The following SULF1 variants were observed in gnomAD, a reference collection of about 807,000 sequenced individuals.
SULF1 encodes sulfatase 1.
Under a neutral mutation model 110.5 loss-of-function variants are expected in SULF1, and 46 were observed. The ratio of observed to expected loss-of-function variants is 0.42; its 90% CI spans 0.33 to 0.53. SULF1 has a LOEUF of 0.53. Among genes scored for constraint, SULF1 ranks in the 20% least tolerant of loss-of-function variants. The pLI is 0.12. For missense variants in SULF1, 941 were observed against 1,094.2 expected, an observed-to-expected ratio of 0.86 and a Z score of 1.98; for synonymous variants, 371 against 387.1, an observed-to-expected ratio of 0.96 and a Z score of 0.49.
intron 3 of SULF1, among the ~76,000 whole-genome samples, chr8:69,557,282 T>G (rs139044473): frequency 2.6e-5 from 4 of 152,340 alleles, no homozygotes; most frequent in Non-Finnish European, 5.9e-5. Context: ...ATTAGTCCCT[T>G]TAGACACTTT....
At chr8:69,467,881 T>A (rs1435985244) in intron 1 of SULF1, among the ~76,000 whole-genome samples, 1 of 152,224 alleles carries the variant, frequency 6.6e-6, no homozygotes, top group Non-Finnish European at 1.5e-5. Context: ...GTTGTCATCA[T>A]ATATGCGAGT....
At chr8:69,498,057 T>C (rs1476229090) in intron 2 of SULF1, among the ~76,000 whole-genome samples, 1 of 152,058 alleles carries the variant, frequency 6.6e-6, no homozygotes, top group East Asian at 1.9e-4. Context: ...CCTTTCATTA[T>C]AGGAACAGAA....
intron 6 of SULF1, among the ~76,000 whole-genome samples, chr8:69,583,789 A>G (rs1329345340): frequency 6.6e-5 from 10 of 152,186 alleles, no homozygotes; most frequent in Non-Finnish European, 1.5e-4. Context: ...TTCAGCTTCT[A>G]TATGAACATG....
In SULF1 at chr8:69,564,072, C is replaced by T. The variant is rs1368638415; in HGVS notation, c.97C>T (p.Arg33Trp). The T allele has an allele frequency of 1.3e-5, 21 of 1,614,144 alleles. No homozygotes were observed. Among genetic ancestry groups the T allele is most frequent in the Non-Finnish European group, 1.5e-5 (18 of 1,180,026 alleles). The change falls in exon 5 of 23, where the codon CGG becomes TGG. Residue 33 changes from arginine (R) to tryptophan (W), a missense_variant. This residue lies in a region of SULF1 where 822 missense variants were observed against 934.3 expected (regional missense o/e 0.88). Coordinates refer to ENST00000402687, the MANE Select transcript of SULF1 (RefSeq NM_001128205.2). ...STVRSPRFRG[R>W]IQQERKNIRP... Reference sequence around the variant, plus strand: ...TGTCAGATCCCCGAGGTTCAGAGGACGGATACAGCAGGAACGAAAAAACAT... The same window carrying T: ...TGTCAGATCCCCGAGGTTCAGAGGATGGATACAGCAGGAACGAAAAAACAT...
At chr8:69,604,533 A>G (rs1015143900) in intron 12 of SULF1, among the ~76,000 whole-genome samples, 1 of 152,214 alleles carries the variant, frequency 6.6e-6, no homozygotes, top group Non-Finnish European at 1.5e-5. Flanking sequence ...TGAGCATGTA[A>G]AATGAAACAT....
At chr8:69,593,978 G>A (rs1807097324) in intron 8 of SULF1, among the ~76,000 whole-genome samples, 1 of 152,152 alleles carries the variant, frequency 6.6e-6, no homozygotes, top group Admixed American at 6.5e-5. Context: ...GATTCTATAG[G>A]AAACTAAGGG....
At position 69,601,801 on chromosome 8, in the gene SULF1, C is replaced by T. The variant is rs762343638; in HGVS notation, c.1033C>T (p.Arg345Cys). Residue 345 changes from arginine to cysteine, a missense_variant, in exon 10 of 23, where the codon CGT becomes TGT. By Grantham distance (180) the Arg-to-Cys change is radical (BLOSUM62 -3). Around this residue, in one of 3 missense-constraint regions of SULF1, gnomAD observed 822 missense variants for 934.3 expected, o/e 0.88. Transcript: ENST00000402687. The stretch of plus-strand genomic sequence containing the variant: ...TGATATTCGTGTGCCTTTTTTTATT[C>T]GTGGTCCAAGTGTAGAACCAGGATC... ...DFDIRVPFFI[R>C]GPSVEPGSIV... 50 of 1,611,670 alleles carry T rather than the reference C, an allele frequency of 3.1e-5. No homozygotes were observed. The highest frequency in any genetic ancestry group is 5.3e-5 in the African/African-American group (4 of 74,790).
At chr8:69,634,717 G>A (rs1440444282) in intron 19 of SULF1, among the ~76,000 whole-genome samples, 6 of 152,114 alleles carry the variant, frequency 3.9e-5, no homozygotes, top group Admixed American at 2.0e-4. Context: ...ACACCACTGG[G>A]CGACAGAGTG....
At chr8:69,609,574 A>G (rs1168060236) in intron 13 of SULF1, among the ~76,000 whole-genome samples, 2 of 152,328 alleles carry the variant, frequency 1.3e-5, no homozygotes, top group South Asian at 2.1e-4. Context: ...TTTTTCTGAT[A>G]AGGAAATTTA....
At chr8:69,628,740 TC>T (rs1810293160) in intron 18 of SULF1, among the ~76,000 whole-genome samples, 1 of 152,158 alleles carries the variant, frequency 6.6e-6, no homozygotes, top group African/African-American at 2.4e-5. Flanking sequence ...AAAAAATAAT[TC>T]TAAAAAATAA....
chr8:69,603,585 T>A lies in SULF1; in HGVS notation c.1191-15T>A. The A allele has an allele frequency of 6.2e-7, 1 of 1,605,948 alleles. No individual in the cohort carries two copies. The highest frequency in any genetic ancestry group is 8.5e-7 in the Non-Finnish European group (1 of 1,172,560). On this transcript the variant is annotated splice_polypyrimidine_tract_variant and intron_variant, in intron 11 of 22. Coordinates refer to ENST00000402687, the MANE Select transcript of SULF1 (RefSeq NM_001128205.2). Reference sequence around the variant, plus strand: ...GTCCAGATGCCAAAAGTAAATATTATCATTTTGCTTTCAGGTTTCGAACAA... The same window carrying A: ...GTCCAGATGCCAAAAGTAAATATTAACATTTTGCTTTCAGGTTTCGAACAA...
chr8:69,554,845 G>C (rs1301557183), intron 3 of SULF1, among the ~76,000 whole-genome samples: 9 of 151,748 alleles, frequency 5.9e-5, no homozygotes, highest in African/African-American at 2.2e-4. Flanking sequence ...CAGGCGTGGT[G>C]GCAGGCGCCT....
intron 3 of SULF1, among the ~76,000 whole-genome samples, chr8:69,504,575 A>G (rs954798346): frequency 6.6e-6 from 1 of 152,172 alleles, no homozygotes; most frequent in Non-Finnish European, 1.5e-5. Context: ...AATAAATAAA[A>G]TAAGTGTCTA....
chr8:69,595,668 G>A (rs1388901813), intron 8 of SULF1, among the ~76,000 whole-genome samples: 1 of 152,128 alleles, frequency 6.6e-6, no homozygotes, highest in African/African-American at 2.4e-5. Flanking sequence ...AGAGAATGAT[G>A]GTTCTGCTAC....
chr8:69,627,191 G>A lies in SULF1; in HGVS notation c.1851-19G>A. 5 of 1,578,722 alleles carry A rather than the reference G, an allele frequency of 3.2e-6. No homozygotes were observed. The Middle Eastern group carries it at 6.7e-4, about 210-fold the overall frequency. On this transcript the variant is annotated intron_variant, in intron 15 of 22. Coordinates refer to ENST00000402687, the MANE Select transcript of SULF1 (RefSeq NM_001128205.2). Reference sequence around the variant, plus strand: ...TTAGAATATAAACCTATTTCACATGGTTTTGGTTTGTTTTGCAGGTGTTTT... The same window carrying A: ...TTAGAATATAAACCTATTTCACATGATTTTGGTTTGTTTTGCAGGTGTTTT...
At chr8:69,507,653 T>C (rs561596292) in intron 3 of SULF1, among the ~76,000 whole-genome samples, 2 of 152,328 alleles carry the variant, frequency 1.3e-5, no homozygotes, top group Non-Finnish European at 2.9e-5. Context: ...ATATTTTTAC[T>C]GCAGGAATAT....
At chr8:69,599,690 T>C (rs1281028850) in intron 8 of SULF1, among the ~76,000 whole-genome samples, 2 of 152,220 alleles carry the variant, frequency 1.3e-5, no homozygotes, top group Non-Finnish European at 2.9e-5. Context: ...GATTATAGTC[T>C]GTTAAAGAGT....
At chr8:69,511,110 T>C (rs1299337806) in intron 3 of SULF1, among the ~76,000 whole-genome samples, 1 of 152,136 alleles carries the variant, frequency 6.6e-6, no homozygotes, top group African/African-American at 2.4e-5. Flanking sequence ...GTAATAACAA[T>C]ACCTTAATCT....
At chr8:69,586,289 T>C in intron 6 of SULF1, 68 bp from the exon 7 acceptor site, 4 of 1,455,724 alleles carry the variant, frequency 2.7e-6, no homozygotes, top group Non-Finnish European at 3.6e-6. Flanking sequence ...GTCATAATTT[T>C]ATACTTATCC....
Sources: allele counts gnomAD v4.1 joint callset (sites outside exome capture counted in the v4.1 genomes callset), GRCh38; gene constraint gnomAD v4.1.1; regional missense constraint gnomAD v4.1.1; transcripts MANE v1.5; gene names NCBI Gene and HGNC (gene_info 2026-07-23, HGNC 2026-07-21).